Variants in RUBCNL observed in about 807,000 individuals in gnomAD.
RUBCNL encodes the protein protein associated with UVRAG as autophagy enhancer.
A neutral mutation model predicts 69.5 loss-of-function variants in RUBCNL; 62 were observed. The ratio of observed to expected loss-of-function variants is 0.89; its 90% confidence interval spans 0.73 to 1.10. The LOEUF is 1.10. RUBCNL is among the 50% of genes least tolerant of loss of function. RUBCNL has a pLI of 0.00. For missense variants in RUBCNL, 768 were observed against 798.1 expected (o/e 0.96, Z 0.45); for synonymous variants, 291 against 303.6 (o/e 0.96, Z 0.43).
At chr13:46,373,162 CG>C (rs2048916659) in intron 2 of RUBCNL, among the ~76,000 whole-genome samples, 1 of 152,118 alleles carries the variant, frequency 6.6e-6, no homozygotes, top group Non-Finnish European at 1.5e-5. Flanking sequence ...TTAGTAGGGA[CG>C]GGGTTTCACC....
Position 46,368,122 on chromosome 13 carries a change from T to A in RUBCNL, c.746A>T (p.Gln249Leu), listed in dbSNP as rs1457195009. Residue 249 changes from glutamine to leucine, a missense_variant, in exon 5 of 15, where the codon CAG (glutamine) becomes CTG (leucine). Coordinates refer to ENST00000429979, the MANE Select transcript of RUBCNL (RefSeq NM_025113.5). ...ATCAAAAGTCATTTCAGAGTCAGGC[T>A]GATCACTCCCAAGTAACCCACTGAC... ...KEVSGLLGSD[Q>L]PDSEMTFDTN... The A allele has an allele frequency of 1.2e-6, 2 of 1,614,022 alleles. No homozygotes were observed. Among genetic ancestry groups the A allele is most frequent in the East Asian group, 4.5e-5 (2 of 44,878 alleles).
rs79465971 is a variant in RUBCNL at position 46,338,256 on chromosome 13, G to A, written c.*5129C>T. 0.015 allele frequency among the ~76,000 whole-genome samples: 2,250 copies of A among 152,264 alleles called. 52 individuals are homozygous for A. Among genetic ancestry groups the A allele is most frequent in the African/African-American group, 0.051 (2,119 of 41,554 alleles). ...GGTGAATATCCCTTCATCAGGACCCGAGAAAGCAGGTTTGAATTTTGAAAT... is the reference window on the plus strand; with the variant it reads ...GGTGAATATCCCTTCATCAGGACCCAAGAAAGCAGGTTTGAATTTTGAAAT... On this transcript the variant is annotated 3_prime_UTR_variant, in exon 15 of 15. Transcript: ENST00000429979.
chr13:46,362,376 G>A (rs1250309992), intron 7 of RUBCNL, among the ~76,000 whole-genome samples, 162 bp downstream of exon 7: 1 of 152,166 alleles, frequency 6.6e-6, no homozygotes, highest in African/African-American at 2.4e-5. Flanking sequence ...TAGAAACTTT[G>A]GGGGTGATTG....
chr13:46,347,875 C>G (rs1355992544), intron 12 of RUBCNL, among the ~76,000 whole-genome samples: 2 of 152,226 alleles, frequency 1.3e-5, no homozygotes, highest in African/African-American at 4.8e-5. Context: ...CGCCTGTAGT[C>G]CCAGCTACTT....
At position 46,345,578 on chromosome 13, in the gene RUBCNL, C is replaced by A. The variant is rs552686038; in HGVS notation, c.1654G>T (p.Val552Leu). Residue 552 changes from valine (V) to leucine (L), a missense_variant, in exon 13 of 15, where the codon GTG becomes TTG. Physicochemically the swap from Val to Leu is conservative, Grantham distance 32. Transcript: ENST00000429979. ...AGCTCATCAGTCAAGTGTCCCGGCA[C>A]CTGCTCGAACTCCTTTAATGCACTG... ...ANSALKEFEQ[V>L]PGHLTDELHL... 10 of 1,613,706 alleles carry A rather than the reference C, an allele frequency of 6.2e-6. No individual in the cohort carries two copies. In the African/African-American group the frequency reaches 1.1e-4, roughly 17 times the overall value.
At chr13:46,370,278 C>T (rs984785033) in intron 3 of RUBCNL, among the ~76,000 whole-genome samples, 1 of 152,170 alleles carries the variant, frequency 6.6e-6, no homozygotes, top group African/African-American at 2.4e-5. Context: ...TGTGTAGTTC[C>T]TATGCCAACA....
chr13:46,346,913 A>G (rs1403689721), intron 12 of RUBCNL, among the ~76,000 whole-genome samples: 1 of 152,210 alleles, frequency 6.6e-6, no homozygotes, highest in African/African-American at 2.4e-5. Flanking sequence ...CTGGTTGTAT[A>G]GTATTCTATT....
rs2048169169 is a variant in RUBCNL, at chr13:46,343,108, A to AT, written c.*276dup. 4.0e-6 allele frequency: 2 copies of AT among 504,922 alleles called. No individual in the cohort carries two copies. The highest frequency in any genetic ancestry group is 7.0e-6 in the Non-Finnish European group (2 of 286,118). 31.3% of individuals were successfully genotyped at this position (504,922 alleles called of 1,614,324 possible). Reference sequence around the variant, plus strand: ...CAAACTGGCTCAGCATCAGTGAAACATAACTATTCAAATACAAAAGTATAA... The same window carrying AT: ...CAAACTGGCTCAGCATCAGTGAAACATTAACTATTCAAATACAAAAGTATAA... On this transcript the variant is annotated 3_prime_UTR_variant, in exon 15 of 15. Transcript: ENST00000429979.
At chr13:46,366,067 G>A (rs890952974) in intron 5 of RUBCNL, among the ~76,000 whole-genome samples, 1 of 152,188 alleles carries the variant, frequency 6.6e-6, no homozygotes, top group African/African-American at 2.4e-5. Context: ...AACTAGAAAC[G>A]GGACAGGAGC....
chr13:46,343,271 T>A lies in RUBCNL; in HGVS notation c.*114A>T. The A allele has an allele frequency of 2.0e-6, 3 of 1,489,702 alleles. No individual in the cohort carries two copies. The highest frequency in any genetic ancestry group is 2.7e-6 in the Non-Finnish European group (3 of 1,094,172). 92.3% of individuals were successfully genotyped at this position (1,489,702 alleles called of 1,614,324 possible). A position where few individuals can be genotyped will look rare whatever the true frequency, so the allele number is the denominator to read the frequency against. On this transcript the variant is annotated 3_prime_UTR_variant, in exon 15 of 15. Transcript: ENST00000429979. The stretch of plus-strand genomic sequence containing the variant: ...TATGCAATAAAGAGAATATAGACCA[T>A]CTTTTTCCTTAATATACAATACCCA...
Position 46,336,897 on chromosome 13 carries a change from C to A in RUBCNL, c.*6488G>T, listed in dbSNP as rs761789722. 6.6e-6 allele frequency among the ~76,000 whole-genome samples: 1 copy of A among 151,876 alleles called. No homozygotes were observed. The highest frequency in any genetic ancestry group is 1.5e-5 in the Non-Finnish European group (1 of 67,992). On this transcript the variant is annotated 3_prime_UTR_variant, in exon 15 of 15. Coordinates refer to ENST00000429979, the MANE Select transcript of RUBCNL (RefSeq NM_025113.5). ...CCTTTATTTTTTAATGTAAGGAATACTAGATAATATGGATAACTCAGAGGA... is the reference window on the plus strand; with the variant it reads ...CCTTTATTTTTTAATGTAAGGAATAATAGATAATATGGATAACTCAGAGGA...
chr13:46,385,825 C>T (rs1422550123), intron 1 of RUBCNL, among the ~76,000 whole-genome samples: 3 of 152,182 alleles, frequency 2.0e-5, no homozygotes, highest in Non-Finnish European at 4.4e-5. Context: ...CCCCTCACCC[C>T]GCTCCAAGGC....
At chr13:46,375,536 C>T (rs923495924) in intron 2 of RUBCNL, among the ~76,000 whole-genome samples, 2 of 151,522 alleles carry the variant, frequency 1.3e-5, no homozygotes, top group African/African-American at 4.9e-5. Context: ...GTCTCAAAAA[C>T]AAAACAAAAA....
chr13:46,346,004 T>C (rs1045728207), intron 12 of RUBCNL, among the ~76,000 whole-genome samples: 1 of 152,196 alleles, frequency 6.6e-6, no homozygotes, highest in African/African-American at 2.4e-5. Flanking sequence ...CTATCAGCCT[T>C]ATGGACTGTT....
chr13:46,375,980 T>C (rs549235730), intron 2 of RUBCNL, among the ~76,000 whole-genome samples: 1 of 152,352 alleles, frequency 6.6e-6, no homozygotes, highest in Admixed American at 6.5e-5. Context: ...ACCTTTATAA[T>C]GATCTATTTC....
At chr13:46,344,720 T>C in intron 14 of RUBCNL, 21 bp downstream of exon 14, 4 of 1,506,836 alleles carry the variant, frequency 2.7e-6, no homozygotes, top group South Asian at 1.2e-5. Flanking sequence ...ATTAAGCTTA[T>C]GTTATTAAGT....
chr13:46,336,562 TTTTTTA>T lies in RUBCNL; in HGVS notation c.*6817_*6822del, dbSNP rs1199695464. Among the ~76,000 whole-genome samples the T allele has an allele frequency of 9.0e-6, 1 of 111,334 alleles. No individual in the cohort carries two copies. The highest frequency in any genetic ancestry group is 2.2e-5 in the Non-Finnish European group (1 of 46,346). The allele number at this position is 111,334 out of a possible 152,430, so 73.0% of individuals were successfully genotyped here. A position where few individuals can be genotyped will look rare whatever the true frequency, so the allele number is the denominator to read the frequency against. The stretch of plus-strand genomic sequence containing the variant: ...ATAGTCTAGCTTTTCTTAGCTAGAC[TTTTTTA>T]TTTTATTATATTTTATTATAAAACA... On this transcript the variant is annotated 3_prime_UTR_variant, in exon 15 of 15. Coordinates refer to ENST00000429979, the MANE Select transcript of RUBCNL (RefSeq NM_025113.5).
intron 9 of RUBCNL, among the ~76,000 whole-genome samples, chr13:46,357,962 T>C (rs1231759622): frequency 6.6e-6 from 1 of 152,232 alleles, no homozygotes; most frequent in Non-Finnish European, 1.5e-5. Flanking sequence ...GTTTATCCCA[T>C]AGTTTTACAT....
At position 46,372,139 on chromosome 13, in the gene RUBCNL, C is replaced by T. The variant is rs2048890682; in HGVS notation, c.337G>A (p.Gly113Ser). The change falls in exon 3 of 15, where the codon GGC (glycine) becomes AGC (serine). Residue 113 changes from glycine (G) to serine (S), a missense_variant. Physicochemically the swap from Gly to Ser is moderately conservative, Grantham distance 56 (BLOSUM62 0). Transcript: ENST00000429979. Reference protein sequence around the residue: ...TLSEDTTDSVGSASPHGSSEK... With the variant: ...TLSEDTTDSVSSASPHGSSEK... The stretch of plus-strand genomic sequence containing the variant: ...CTCGAGCCATGGGGAGAAGCGCTGC[C>T]AACGGAGTCTGTGGTATCCTCAGAC... 6.2e-7 allele frequency: 1 copy of T among 1,614,006 alleles called. No individual in the cohort carries two copies. The highest frequency in any genetic ancestry group is 8.5e-7 in the Non-Finnish European group (1 of 1,179,898).
Sources: allele counts gnomAD v4.1 joint callset (sites outside exome capture counted in the v4.1 genomes callset), GRCh38; gene constraint gnomAD v4.1.1; transcripts MANE v1.5; gene names NCBI Gene and HGNC (gene_info 2026-07-23, HGNC 2026-07-21).